Variants in SHROOM3 observed in about 807,000 individuals in gnomAD.
The protein encoded by SHROOM3 is shroom family member 3.
A neutral mutation model predicts 138.6 loss-of-function variants in SHROOM3; 47 were observed. That is an observed-to-expected ratio of 0.34 (90% CI 0.27 to 0.43). The LOEUF (loss-of-function observed/expected upper bound fraction) is 0.43. Among genes scored for constraint, SHROOM3 ranks in the 20% least tolerant of loss-of-function variants. The pLI is 1.00. For missense variants in SHROOM3, 2,491 were observed against 2,596.5 expected, an observed-to-expected ratio of 0.96 and a Z score of 0.88; for synonymous variants, 1,062 against 1,063.3, an observed-to-expected ratio of 1.00 and a Z score of 0.02.
intron 1 of SHROOM3, among the ~76,000 whole-genome samples, chr4:76,464,407 T>G (rs976061311): frequency 6.9e-6 from 1 of 145,928 alleles, no homozygotes; most frequent in Non-Finnish European, 1.5e-5. Context: ...AAGTAACTAA[T>G]TTTTTTTTTT....
intron 1 of SHROOM3, among the ~76,000 whole-genome samples, chr4:76,477,779 C>A (rs954307202): frequency 3.3e-5 from 5 of 152,128 alleles, no homozygotes; most frequent in Non-Finnish European, 7.4e-5. Context: ...AGGTACCCAG[C>A]TCATCTCATT....
At chr4:76,604,540 G>A (rs568612507) in intron 2 of SHROOM3, among the ~76,000 whole-genome samples, 143 of 152,228 alleles carry the variant, frequency 9.4e-4, no homozygotes, top group Non-Finnish European at 1.6e-3. Context: ...GGTGAACAAA[G>A]GCACTTGATC....
intron 1 of SHROOM3, among the ~76,000 whole-genome samples, chr4:76,454,492 ACTCT>A (rs1056179559): frequency 5.9e-5 from 9 of 151,768 alleles, no homozygotes; most frequent in Admixed American, 5.3e-4. Flanking sequence ...TGATTTCTGG[ACTCT>A]CTCTATTCTA....
At chr4:76,665,512 A>C (rs1718668464) in intron 2 of SHROOM3, among the ~76,000 whole-genome samples, 1 of 152,206 alleles carries the variant, frequency 6.6e-6, no homozygotes, top group Admixed American at 6.5e-5. Context: ...CAGTGGTGAA[A>C]TTCAAGGCTT....
At chr4:76,575,724 A>G (rs1223073434) in intron 2 of SHROOM3, 1 of 152,214 alleles carries the variant, frequency 6.6e-6, no homozygotes, top group Non-Finnish European at 1.5e-5. Context: ...AATTAACCAA[A>G]TAAGTGAAAG....
chr4:76,630,718 C>T (rs866542768), intron 2 of SHROOM3, among the ~76,000 whole-genome samples: 1 of 152,064 alleles, frequency 6.6e-6, no homozygotes, highest in Non-Finnish European at 1.5e-5. Context: ...GACTCTGCCA[C>T]GAGCTTTTGA....
intron 1 of SHROOM3, among the ~76,000 whole-genome samples, chr4:76,525,788 C>T (rs1732676712): frequency 6.6e-6 from 1 of 152,168 alleles, no homozygotes; most frequent in Non-Finnish European, 1.5e-5. Flanking sequence ...TAACTCTAAA[C>T]CCATCATTGC....
intron 2 of SHROOM3, among the ~76,000 whole-genome samples, chr4:76,693,891 C>A (rs1719645398): frequency 6.7e-6 from 1 of 148,550 alleles, no homozygotes; most frequent in Non-Finnish European, 1.5e-5. Context: ...AAGCTGAGCT[C>A]CCAGATGAGG....
At position 76,738,821 on chromosome 4, in the gene SHROOM3, G is replaced by A; in HGVS notation, c.648G>A (p.Gln216=). ...CTTATCTAAGGCGGAGCCCTGACCAGTGCAGCTCCCAGGGGAGCATGGAGA... is the reference window on the plus strand; with the variant it reads ...CTTATCTAAGGCGGAGCCCTGACCAATGCAGCTCCCAGGGGAGCATGGAGA... ...DHAYLRRSPD[Q]CSSQGSMESL... The change falls in exon 5 of 11, where the codon CAG becomes CAA. Residue 216 remains glutamine, a synonymous_variant. Coordinates refer to ENST00000296043, the MANE Select transcript of SHROOM3 (RefSeq NM_020859.4). 6.2e-7 allele frequency: 1 copy of A among 1,614,236 alleles called. No individual in the cohort carries two copies. The highest frequency in any genetic ancestry group is 1.1e-5 in the South Asian group (1 of 91,090).
intron 1 of SHROOM3, among the ~76,000 whole-genome samples, chr4:76,530,790 T>C (rs1376655731): frequency 6.6e-6 from 1 of 152,092 alleles, no homozygotes; most frequent in Non-Finnish European, 1.5e-5. Flanking sequence ...CAAGAAGCAC[T>C]CAGAAGAGAA....
intron 2 of SHROOM3, among the ~76,000 whole-genome samples, chr4:76,633,544 C>T (rs1735396383): frequency 6.7e-6 from 1 of 150,004 alleles, no homozygotes; most frequent in Non-Finnish European, 1.5e-5. Flanking sequence ...TAAGTCCCAG[C>T]TATGCGGGAG....
rs888224408 is a variant in SHROOM3 at position 76,680,945 on chromosome 4, C to T, written c.324-29211C>T. 3.3e-5 allele frequency among the ~76,000 whole-genome samples: 5 copies of T among 152,238 alleles called. No homozygotes were observed. The South Asian group carries it at 1.0e-3, about 32-fold the overall frequency. ...CGGCACCTCCCATTCAATATCCTCC[C>T]CATGCTGTCAGCATGACTTCTTGAA... On this transcript the variant is annotated intron_variant, in intron 2 of 10. Transcript: ENST00000296043.
intron 2 of SHROOM3, among the ~76,000 whole-genome samples, chr4:76,700,614 A>G (rs1719875380): frequency 6.6e-6 from 1 of 152,110 alleles, no homozygotes; most frequent in South Asian, 2.1e-4. Context: ...AAAGGGAAGG[A>G]TCGTGTCTGT....
chr4:76,512,983 T>A (rs1030840285), intron 1 of SHROOM3, among the ~76,000 whole-genome samples: 7 of 152,134 alleles, frequency 4.6e-5, no homozygotes, highest in African/African-American at 1.7e-4. Context: ...CATGAGCAAG[T>A]CTTGTGAATT....
chr4:76,658,210 G>A (rs57608067), intron 2 of SHROOM3, among the ~76,000 whole-genome samples: 18,594 of 152,108 alleles, frequency 0.12, 1,172 homozygotes, highest in East Asian at 0.16. Context: ...CAAATTACAG[G>A]GTTTCAAACC....
At chr4:76,520,942 G>A (rs892035463) in intron 1 of SHROOM3, among the ~76,000 whole-genome samples, 14 of 152,298 alleles carry the variant, frequency 9.2e-5, no homozygotes, top group African/African-American at 2.6e-4. Flanking sequence ...CTATCATAGC[G>A]GAGAATTCTC....
chr4:76,611,760 C>T (rs991888960), intron 2 of SHROOM3, among the ~76,000 whole-genome samples: 3 of 152,172 alleles, frequency 2.0e-5, no homozygotes, highest in South Asian at 2.1e-4. Flanking sequence ...ACGGAACATG[C>T]CCAGCCTCTG....
chr4:76,562,670 T>G (rs905704114), intron 2 of SHROOM3, among the ~76,000 whole-genome samples: 5 of 152,150 alleles, frequency 3.3e-5, no homozygotes, highest in African/African-American at 2.4e-5. Context: ...CTTCACACTG[T>G]TTTGCCACCT....
chr4:76,757,814 A>G (rs1031229671), intron 8 of SHROOM3, among the ~76,000 whole-genome samples: 1 of 152,192 alleles, frequency 6.6e-6, no homozygotes, highest in Non-Finnish European at 1.5e-5. Context: ...AAAGACTACT[A>G]TGAGAAAGAC....
Sources: allele counts gnomAD v4.1 joint callset (sites outside exome capture counted in the v4.1 genomes callset), GRCh38; gene constraint gnomAD v4.1.1; transcripts MANE v1.5; gene names NCBI Gene and HGNC (gene_info 2026-07-23, HGNC 2026-07-21).